The following MPPED1 variants were observed in gnomAD, a reference collection of about 807,000 sequenced individuals.
MPPED1 encodes metallophosphoesterase domain-containing protein 1.
A neutral mutation model predicts 36.2 loss-of-function variants in MPPED1; 16 were observed. That is an observed-to-expected ratio of 0.44 (90% CI 0.30 to 0.67). MPPED1 has a LOEUF of 0.67. Among genes scored for constraint, MPPED1 ranks in the 30% least tolerant of loss-of-function variants. The probability of loss-of-function intolerance (pLI) is 0.10; values close to 1 mark genes in which losing one functional copy is unlikely to be tolerated. For synonymous variants in MPPED1, 199 were observed against 191.3 expected (o/e 1.04, Z -0.33); for missense variants, 307 against 453.4 (o/e 0.68, Z 2.93).
intron 4 of MPPED1, among the ~76,000 whole-genome samples, chr22:43,483,980 C>G (rs991781380): frequency 7.9e-5 from 12 of 152,222 alleles, no homozygotes; most frequent in Non-Finnish European, 1.5e-4. Flanking sequence ...GCCCAGTGTA[C>G]CAAGGATGGA....
At chr22:43,424,687 T>C (rs1193777889) in intron 1 of MPPED1, among the ~76,000 whole-genome samples, 24 of 150,514 alleles carry the variant, frequency 1.6e-4, no homozygotes, top group African/African-American at 5.9e-4. Flanking sequence ...TTTTTTTTTC[T>C]TTTTTTTCTT....
intron 5 of MPPED1, among the ~76,000 whole-genome samples, chr22:43,500,147 G>A (rs1932631118): frequency 9.8e-6 from 1 of 102,314 alleles, no homozygotes; most frequent in Non-Finnish European, 2.0e-5. Flanking sequence ...TGGAGGTGGT[G>A]GGGGTGGTGG....
At chr22:43,500,575 C>T (rs552572921) in intron 5 of MPPED1, among the ~76,000 whole-genome samples, 1 of 151,976 alleles carries the variant, frequency 6.6e-6, no homozygotes, top group South Asian at 2.1e-4. Flanking sequence ...CTCTGTGGTT[C>T]CCTCAGTCCT....
intron 2 of MPPED1, among the ~76,000 whole-genome samples, chr22:43,427,868 G>A (rs2146823300): frequency 6.6e-6 from 1 of 152,052 alleles, no homozygotes; most frequent in East Asian, 1.9e-4. Flanking sequence ...CTCACCCCCC[G>A]TGACACTAGT....
chr22:43,462,355 G>C (rs1044462377), intron 3 of MPPED1, among the ~76,000 whole-genome samples: 1 of 152,202 alleles, frequency 6.6e-6, no homozygotes, highest in Non-Finnish European at 1.5e-5. Context: ...TCCTCCCGAG[G>C]CCTGGTTCCC....
chr22:43,467,156 G>C (rs776433210), intron 3 of MPPED1, among the ~76,000 whole-genome samples: 6 of 152,246 alleles, frequency 3.9e-5, no homozygotes, highest in Non-Finnish European at 7.3e-5. Flanking sequence ...TGGCCAGAGA[G>C]CCAGTGGGAG....
At position 43,445,187 on chromosome 22, in the gene MPPED1, C is replaced by G. The variant is rs1601964260; in HGVS notation, c.406+9972C>G. Among the ~76,000 whole-genome samples the G allele has an allele frequency of 3.3e-5, 5 of 152,260 alleles. 1 individual carries two copies. Among genetic ancestry groups the G allele is most frequent in the Admixed American group, 3.3e-4 (5 of 15,288 alleles). On this transcript the variant is annotated intron_variant, in intron 3 of 6. Coordinates refer to ENST00000443721, the MANE Select transcript of MPPED1 (RefSeq NM_001044370.2). ...CTTGAAGGCCTATTCCTGTGCCCTC[C>G]TTATTTCTGTGTGGAAGGACCTTGG...
chr22:43,500,431 T>TGGTGGTGGAGGTGGTGATGGA (rs1284162141), intron 5 of MPPED1, among the ~76,000 whole-genome samples: 4 of 148,524 alleles, frequency 2.7e-5, no homozygotes, highest in Non-Finnish European at 5.9e-5. Context: ...GTAATGGAGG[T>TGGTGGTGGAGGTGGTGATGGA]GGTGGTGGAG....
intron 4 of MPPED1, among the ~76,000 whole-genome samples, chr22:43,495,537 A>AGGT (rs1932267815): frequency 6.7e-5 from 1 of 14,892 alleles, no homozygotes; most frequent in Non-Finnish European, 1.2e-4. Flanking sequence ...GTGGTGGTGG[A>AGGT]GATGGTGGTG....
intron 4 of MPPED1, among the ~76,000 whole-genome samples, chr22:43,491,598 A>ATGGTGGTGTTGGTGATGGAGG (rs1932089506): frequency 9.3e-6 from 1 of 107,334 alleles, no homozygotes; most frequent in African/African-American, 3.7e-5. Context: ...GGTGGTGGTG[A>ATGGTGGTGTTGGTGATGGAGG]TGGTGGTGTT....
At chr22:43,437,707 T>C (rs1930010644) in intron 3 of MPPED1, among the ~76,000 whole-genome samples, 1 of 152,170 alleles carries the variant, frequency 6.6e-6, no homozygotes, top group Non-Finnish European at 1.5e-5. Context: ...CTGCCTCGCA[T>C]CCCTCCAAAT....
chr22:43,454,735 G>C (rs944923622), intron 3 of MPPED1, among the ~76,000 whole-genome samples: 2 of 152,176 alleles, frequency 1.3e-5, no homozygotes, highest in African/African-American at 4.8e-5. Flanking sequence ...ATTTTTAGTA[G>C]AGATGGGGTT....
chr22:43,505,401 C>T, intron 6 of MPPED1, 97 bp from the exon 7 acceptor site: 1 of 1,059,116 alleles, frequency 9.4e-7, no homozygotes, highest in East Asian at 2.6e-5. Flanking sequence ...CAAACACATT[C>T]AGCCCACAGG....
At chr22:43,417,967 G>A (rs1356606217) in intron 1 of MPPED1, 7 of 443,892 alleles carry the variant, frequency 1.6e-5, no homozygotes, top group South Asian at 9.6e-5. Context: ...TGGGGGAGAT[G>A]TTTCTCTGGA....
At chr22:43,423,706 C>T (rs552455879) in intron 1 of MPPED1, among the ~76,000 whole-genome samples, 53 of 152,232 alleles carry the variant, frequency 3.5e-4, no homozygotes, top group African/African-American at 1.2e-3. Context: ...CTGACTGTGT[C>T]GATTCTTCTT....
At chr22:43,465,359 C>T (rs191706016) in intron 3 of MPPED1, among the ~76,000 whole-genome samples, 1 of 152,376 alleles carries the variant, frequency 6.6e-6, no homozygotes, top group African/African-American at 2.4e-5. Flanking sequence ...TATTTGGCCT[C>T]TGGGGACATC....
chr22:43,444,279 G>GGTGTGT (rs35340638), intron 3 of MPPED1, among the ~76,000 whole-genome samples: 3,507 of 141,904 alleles, frequency 0.025, 47 homozygotes, highest in African/African-American at 0.044. Context: ...GACCCACTGG[G>GGTGTGT]GTGTGTGTGT....
intron 3 of MPPED1, among the ~76,000 whole-genome samples, chr22:43,443,503 T>C (rs902622934): frequency 4.0e-5 from 6 of 151,792 alleles, no homozygotes; most frequent in African/African-American, 1.5e-4. Flanking sequence ...GGTTTGGAAG[T>C]GGAATCAACA....
At chr22:43,431,134 C>G (rs62234090) in intron 2 of MPPED1, among the ~76,000 whole-genome samples, 9,659 of 138,334 alleles carry the variant, frequency 0.07, 486 homozygotes, top group African/African-American at 0.14. Flanking sequence ...TTCCGCCTCC[C>G]GGGTTCAAGC....
Sources: allele counts gnomAD v4.1 joint callset (sites outside exome capture counted in the v4.1 genomes callset), GRCh38; gene constraint gnomAD v4.1.1; transcripts MANE v1.5; gene names NCBI Gene and HGNC (gene_info 2026-07-23, HGNC 2026-07-21).